Variants in BAIAP2L1 observed in about 807,000 individuals in gnomAD.
The protein encoded by BAIAP2L1 is BAR/IMD domain-containing adapter protein 2-like 1.
A neutral mutation model predicts 66.3 loss-of-function variants in BAIAP2L1; 35 were observed. The observed-to-expected ratio is 0.53, with a 90% CI of 0.40 to 0.70. The LOEUF (loss-of-function observed/expected upper bound fraction) is 0.70, where lower values mean the gene tolerates loss of function less well. Ranked by LOEUF, BAIAP2L1 falls within the 30% of genes least tolerant of loss-of-function variation. The pLI is 0.00. For synonymous variants in BAIAP2L1, 269 were observed against 248.7 expected (o/e 1.08, Z -0.77); for missense variants, 622 against 656.9 (o/e 0.95, Z 0.58).
At chr7:98,350,473 T>C (rs1450013532) in intron 3 of BAIAP2L1, among the ~76,000 whole-genome samples, 1 of 151,910 alleles carries the variant, frequency 6.6e-6, no homozygotes, top group Non-Finnish European at 1.5e-5. Flanking sequence ...CTGGCAAACA[T>C]GGTGAAACAA....
chr7:98,362,911 C>A (rs566395431), intron 1 of BAIAP2L1, among the ~76,000 whole-genome samples: 5 of 152,166 alleles, frequency 3.3e-5, no homozygotes, highest in Admixed American at 2.6e-4. Context: ...TTTTACTCTG[C>A]CTAATTATAG....
chr7:98,367,753 C>T (rs1048805011), intron 1 of BAIAP2L1, among the ~76,000 whole-genome samples: 2 of 151,806 alleles, frequency 1.3e-5, no homozygotes, highest in Non-Finnish European at 2.9e-5. Flanking sequence ...AGGATGGTCT[C>T]GATTTCCTGA....
In BAIAP2L1 at chr7:98,393,163, A is replaced by ATGTG. The variant is rs1290627919; in HGVS notation, c.51+7638_51+7639insCACA. Among the ~76,000 whole-genome samples, 72 of 98,242 alleles carry ATGTG rather than the reference A, an allele frequency of 7.3e-4. 3 individuals carry two copies. Among genetic ancestry groups the ATGTG allele is most frequent in the Non-Finnish European group, 1.4e-3 (62 of 44,440 alleles). 64.5% of individuals were successfully genotyped at this position (98,242 alleles called of 152,430 possible). A position where few individuals can be genotyped will look rare whatever the true frequency, so the allele number is the denominator to read the frequency against. ...TATGTGTACATATATATGTACACAT[A>ATGTG]TATGTATATATATACATATATGTGT... On this transcript the variant is annotated intron_variant, in intron 1 of 13. Coordinates refer to ENST00000005260, the MANE Select transcript of BAIAP2L1 (RefSeq NM_018842.5).
At chr7:98,385,102 A>G (rs1462538264) in intron 1 of BAIAP2L1, among the ~76,000 whole-genome samples, 2 of 151,976 alleles carry the variant, frequency 1.3e-5, no homozygotes, top group African/African-American at 4.8e-5. Flanking sequence ...GAGGCCAGGA[A>G]TTCAAGACCA....
At chr7:98,393,146 CA>C (rs1803105055) in intron 1 of BAIAP2L1, among the ~76,000 whole-genome samples, 1 of 103,300 alleles carries the variant, frequency 9.7e-6, no homozygotes, top group Non-Finnish European at 1.9e-5. Flanking sequence ...CATATGTGTA[CA>C]TATATATGTA....
intron 2 of BAIAP2L1, among the ~76,000 whole-genome samples, chr7:98,357,839 C>G (rs1365100780): frequency 6.6e-6 from 1 of 151,996 alleles, no homozygotes; most frequent in Non-Finnish European, 1.5e-5. Flanking sequence ...TGGGACATAC[C>G]CAAGGTCAAT....
In BAIAP2L1 at chr7:98,320,078, G is replaced by C. The variant is rs373864894; in HGVS notation, c.328C>G (p.Leu110Val). The part of the protein sequence containing the change: ...IIHELEKKIE[L>V]DVKYMNATLK... The stretch of plus-strand genomic sequence containing the variant: ...CTTACGTTCATATATTTCACGTCAA[G>C]TTCTATCTTCTTCTCCAGCTCATGG... Residue 110 changes from leucine (L) to valine (V), a missense_variant, in exon 5 of 14, where the codon CTT becomes GTT. By Grantham distance (32) the Leu-to-Val change is conservative (BLOSUM62 1). Transcript: ENST00000005260. The C allele has an allele frequency of 1.2e-6, 2 of 1,613,676 alleles. No individual in the cohort carries two copies. The highest frequency in any genetic ancestry group is 1.7e-6 in the Non-Finnish European group (2 of 1,179,716).
intron 7 of BAIAP2L1, among the ~76,000 whole-genome samples, chr7:98,314,267 G>A (rs766202285): frequency 8.5e-5 from 13 of 152,138 alleles, no homozygotes; most frequent in Non-Finnish European, 1.8e-4. Flanking sequence ...ACAGGCGTGA[G>A]CCACCATGCG....
chr7:98,395,838 C>T (rs532697234), intron 1 of BAIAP2L1, among the ~76,000 whole-genome samples: 2 of 152,180 alleles, frequency 1.3e-5, no homozygotes, highest in African/African-American at 4.8e-5. Context: ...CGTGACCAGC[C>T]TGGGCAACAC....
At chr7:98,340,973 T>TTA (rs1451889015) in intron 3 of BAIAP2L1, among the ~76,000 whole-genome samples, 17 of 150,854 alleles carry the variant, frequency 1.1e-4, no homozygotes, top group African/African-American at 3.2e-4. Context: ...TTTTTTTTTT[T>TTA]TTGTCTCTTA....
intron 2 of BAIAP2L1, 194 bp from the exon 3 acceptor site, chr7:98,355,322 C>G (rs1369804418): frequency 3.4e-6 from 2 of 590,374 alleles, no homozygotes; most frequent in Non-Finnish European, 6.1e-6. Flanking sequence ...AAGGGACAGC[C>G]CCATGAGATC....
At position 98,294,093 on chromosome 7, in the gene BAIAP2L1, C is replaced by G. The variant is rs769779241; in HGVS notation, c.1441G>C (p.Ala481Pro). ...GCCTACCTGAGAAAAGGCGGCTTTG[C>G]AGTCCCGTTGGCATCGTTCTGTGAG... ...TAAPNDANGTAKPPFLSGENP... is the reference protein window; with the variant it reads ...TAAPNDANGTPKPPFLSGENP... The change falls in exon 13 of 14, where the codon GCA becomes CCA. Residue 481 changes from alanine to proline, a missense_variant. By Grantham distance (27) the Ala-to-Pro change is conservative. Transcript: ENST00000005260. The G allele has an allele frequency of 1.2e-6, 2 of 1,613,984 alleles. No individual in the cohort carries two copies. The highest frequency in any genetic ancestry group is 1.7e-5 in the Admixed American group (1 of 60,002).
At chr7:98,321,873 G>C (rs1228332910) in intron 3 of BAIAP2L1, among the ~76,000 whole-genome samples, 2 of 152,192 alleles carry the variant, frequency 1.3e-5, no homozygotes, top group Non-Finnish European at 2.9e-5. Context: ...TGAGGTGGGA[G>C]TATCACGAGG....
chr7:98,394,493 C>G lies in BAIAP2L1; in HGVS notation c.51+6309G>C, dbSNP rs556654495. Reference sequence around the variant, plus strand: ...AGAGAAACGGCAGATCATCAGCAGGCCTGGAACAAACGATTTTGTTTGTGT... The same window carrying G: ...AGAGAAACGGCAGATCATCAGCAGGGCTGGAACAAACGATTTTGTTTGTGT... On this transcript the variant is annotated intron_variant, in intron 1 of 13. Transcript: ENST00000005260. 2.0e-5 allele frequency among the ~76,000 whole-genome samples: 3 copies of G among 152,182 alleles called. No individual in the cohort carries two copies. In the South Asian group the frequency reaches 6.2e-4, roughly 32 times the overall value.
intron 12 of BAIAP2L1, among the ~76,000 whole-genome samples, chr7:98,297,384 G>A (rs956398958): frequency 2.6e-5 from 4 of 152,156 alleles, no homozygotes; most frequent in Admixed American, 2.0e-4. Flanking sequence ...TCGGAGCACC[G>A]AGCACCACTT....
chr7:98,310,886 A>G (rs1380816188), intron 8 of BAIAP2L1, among the ~76,000 whole-genome samples: 2 of 151,966 alleles, frequency 1.3e-5, no homozygotes, highest in Non-Finnish European at 2.9e-5. Context: ...AGGTTTCACC[A>G]TGTTAGCCAG....
chr7:98,292,663 C>CACGT lies in BAIAP2L1; in HGVS notation c.*854_*857dup. The CACGT allele has an allele frequency of 6.4e-7, 1 of 1,551,686 alleles. No homozygotes were observed. Among genetic ancestry groups the CACGT allele is most frequent in the Non-Finnish European group, 8.7e-7 (1 of 1,147,000 alleles). ...GGCACCAGAGGTCATCCTGGCTTTACACGTATCCTTTGAGAGTCTGTACCT... is the reference window on the plus strand; with the variant it reads ...GGCACCAGAGGTCATCCTGGCTTTACACGTACGTATCCTTTGAGAGTCTGTACCT... On this transcript the variant is annotated 3_prime_UTR_variant, in exon 14 of 14. Coordinates refer to ENST00000005260, the MANE Select transcript of BAIAP2L1 (RefSeq NM_018842.5).
intron 3 of BAIAP2L1, among the ~76,000 whole-genome samples, chr7:98,328,006 A>C (rs1483713976): frequency 2.6e-5 from 4 of 151,544 alleles, no homozygotes; most frequent in African/African-American, 9.8e-5. Context: ...TGCAAGCAGA[A>C]ACCCGAACAT....
At chr7:98,388,270 T>A (rs2115831894) in intron 1 of BAIAP2L1, among the ~76,000 whole-genome samples, 1 of 152,340 alleles carries the variant, frequency 6.6e-6, no homozygotes, top group Admixed American at 6.5e-5. Context: ...CATTATCAAG[T>A]ACATACAACC....
Sources: allele counts gnomAD v4.1 joint callset (sites outside exome capture counted in the v4.1 genomes callset), GRCh38; gene constraint gnomAD v4.1.1; transcripts MANE v1.5; gene names NCBI Gene and HGNC (gene_info 2026-07-23, HGNC 2026-07-21).